The following PARD3 variants were observed in gnomAD, a reference collection of about 807,000 sequenced individuals.
PARD3 encodes par-3 family cell polarity regulator.
Under a neutral mutation model 155.4 loss-of-function variants are expected in PARD3, and 75 were observed. The ratio of observed to expected loss-of-function variants is 0.48; its 90% confidence interval spans 0.40 to 0.58. The LOEUF (loss-of-function observed/expected upper bound fraction) is 0.58. PARD3 is among the 20% of genes least tolerant of loss of function. The pLI, the probability that PARD3 is intolerant of heterozygous loss-of-function variation, is 0.00. For missense variants in PARD3, 1,642 were observed against 1,721.7 expected (o/e 0.95, Z 0.82); for synonymous variants, 576 against 610.5 (o/e 0.94, Z 0.83).
intron 4 of PARD3, among the ~76,000 whole-genome samples, chr10:34,464,385 G>A (rs2077875289): frequency 6.6e-6 from 1 of 151,990 alleles, no homozygotes; most frequent in Admixed American, 6.6e-5. Flanking sequence ...ATTTATCTAG[G>A]ACTTCTCAGA....
At chr10:34,756,776 C>T (rs1836798922) in intron 1 of PARD3, among the ~76,000 whole-genome samples, 1 of 152,180 alleles carries the variant, frequency 6.6e-6, no homozygotes, top group African/African-American at 2.4e-5. Context: ...ATTTTAAAGA[C>T]AATCTCTGTC....
At chr10:34,190,910 G>A (rs1032946254) in intron 22 of PARD3, among the ~76,000 whole-genome samples, 3 of 151,996 alleles carry the variant, frequency 2.0e-5, no homozygotes, top group Non-Finnish European at 4.4e-5. Flanking sequence ...GGCATCTCGC[G>A]GGTCCTGTAG....
At chr10:34,643,615 T>C (rs1026741634) in intron 2 of PARD3, among the ~76,000 whole-genome samples, 2 of 152,230 alleles carry the variant, frequency 1.3e-5, no homozygotes, top group Non-Finnish European at 2.9e-5. Context: ...TCACTTCTCA[T>C]GTAAATCTAA....
At chr10:34,610,905 T>TG (rs962850259) in intron 2 of PARD3, among the ~76,000 whole-genome samples, 6 of 151,850 alleles carry the variant, frequency 4.0e-5, no homozygotes, top group South Asian at 2.1e-4. Flanking sequence ...TGGGGAGAGG[T>TG]GGGGGGGAGT....
chr10:34,613,733 A>C (rs914048859), intron 2 of PARD3, among the ~76,000 whole-genome samples: 12 of 152,240 alleles, frequency 7.9e-5, no homozygotes, highest in African/African-American at 2.9e-4. Context: ...AAAGGTTTAA[A>C]ACATAGTTTT....
intron 2 of PARD3, among the ~76,000 whole-genome samples, chr10:34,611,807 CTTTTT>C (rs397829689): frequency 9.2e-6 from 1 of 109,230 alleles, no homozygotes; most frequent in Admixed American, 1.0e-4. Flanking sequence ...ACATTTCTTT[CTTTTT>C]TTTTTTTTTT....
At chr10:34,446,235 T>C (rs964192034) in intron 5 of PARD3, among the ~76,000 whole-genome samples, 6 of 152,170 alleles carry the variant, frequency 3.9e-5, no homozygotes, top group Non-Finnish European at 8.8e-5. Context: ...TGAGTGAGGT[T>C]GCTAAGCTAC....
intron 1 of PARD3, among the ~76,000 whole-genome samples, chr10:34,794,327 A>G (rs1442749334): frequency 1.3e-5 from 2 of 152,248 alleles, no homozygotes; most frequent in Non-Finnish European, 2.9e-5. Context: ...CTTCTCCCCC[A>G]AAGAATTTCA....
At chr10:34,618,288 G>A (rs2091401087) in intron 2 of PARD3, among the ~76,000 whole-genome samples, 1 of 152,170 alleles carries the variant, frequency 6.6e-6, no homozygotes, top group African/African-American at 2.4e-5. Flanking sequence ...CCCAATATCA[G>A]AAGATGTGCA....
chr10:34,691,511 A>T (rs1221463710), intron 2 of PARD3, among the ~76,000 whole-genome samples: 2 of 152,250 alleles, frequency 1.3e-5, no homozygotes, highest in Non-Finnish European at 2.9e-5. Flanking sequence ...TAAAATGGCC[A>T]CACTGTCCAA....
intron 24 of PARD3, among the ~76,000 whole-genome samples, chr10:34,116,186 T>C (rs1023473685): frequency 6.6e-6 from 1 of 152,188 alleles, no homozygotes; most frequent in African/African-American, 2.4e-5. Context: ...TTTCTGTCCA[T>C]AGAGTTTCTT....
At chr10:34,710,417 T>C (rs1210278902) in intron 1 of PARD3, among the ~76,000 whole-genome samples, 1 of 142,714 alleles carries the variant, frequency 7.0e-6, no homozygotes, top group African/African-American at 2.6e-5. Context: ...AGTGAATACA[T>C]TTCTTTCTTT....
intron 1 of PARD3, among the ~76,000 whole-genome samples, chr10:34,801,389 T>C (rs1842828332): frequency 6.6e-6 from 1 of 152,156 alleles, no homozygotes; most frequent in African/African-American, 2.4e-5. Context: ...TTACTTTAAT[T>C]AATGAGATGT....
Position 34,696,409 on chromosome 10 carries a change from T to C in PARD3, c.131A>G (p.Tyr44Cys). Residue 44 changes from tyrosine to cysteine, a missense_variant, in exon 2 of 25, where the codon TAC becomes TGC. Physicochemically the swap from Tyr to Cys is radical, Grantham distance 194. Coordinates refer to ENST00000374788, the MANE Select transcript of PARD3 (RefSeq NM_001184785.2). ...TTCCAAGCGATGCACCTGTATCCAG[T>C]AGTTTGGATCCTATACGAAAGAACA... Reference protein sequence around the residue: ...YRKAIAKDPNYWIQVHRLEHG... With the variant: ...YRKAIAKDPNCWIQVHRLEHG... The C allele has an allele frequency of 1.3e-6, 2 of 1,599,182 alleles. No individual in the cohort carries two copies. The highest frequency in any genetic ancestry group is 1.7e-6 in the Non-Finnish European group (2 of 1,166,492).
chr10:34,303,168 T>A (rs1475071050), intron 20 of PARD3, among the ~76,000 whole-genome samples: 1 of 150,664 alleles, frequency 6.6e-6, no homozygotes, highest in African/African-American at 2.5e-5. Flanking sequence ...GTGAATTTTT[T>A]TTTTTTTTTT....
chr10:34,710,547 T>C (rs760803095), intron 1 of PARD3, among the ~76,000 whole-genome samples: 1 of 152,216 alleles, frequency 6.6e-6, no homozygotes. Context: ...CCCTTTATCA[T>C]GTGACTGTCC....
intron 22 of PARD3, among the ~76,000 whole-genome samples, chr10:34,168,748 C>T (rs1949653933): frequency 6.6e-6 from 1 of 152,228 alleles, no homozygotes; most frequent in African/African-American, 2.4e-5. Context: ...ATATTTCCAA[C>T]ACAGTTTGCC....
chr10:34,339,219 T>C (rs1405638711), intron 16 of PARD3, among the ~76,000 whole-genome samples: 2 of 152,196 alleles, frequency 1.3e-5, no homozygotes, highest in Non-Finnish European at 2.9e-5. Flanking sequence ...TTACCTCTTC[T>C]AGAATAATTT....
At chr10:34,255,285 C>A (rs1369859841) in intron 22 of PARD3, among the ~76,000 whole-genome samples, 1 of 152,106 alleles carries the variant, frequency 6.6e-6, no homozygotes. Context: ...TTTTATAGCA[C>A]CCCTTGGAGT....
Sources: allele counts gnomAD v4.1 joint callset (sites outside exome capture counted in the v4.1 genomes callset), GRCh38; gene constraint gnomAD v4.1.1; transcripts MANE v1.5; gene names NCBI Gene and HGNC (gene_info 2026-07-23, HGNC 2026-07-21).